PPP1R42: variants seen among roughly 807,000 people sequenced by gnomAD.
PPP1R42 encodes the protein protein phosphatase 1 regulatory subunit 42, also known as leucine rich repeat containing 67.
A neutral mutation model predicts 31.0 loss-of-function variants in PPP1R42; 34 were observed. The ratio of observed to expected loss-of-function variants is 1.10; its 90% confidence interval spans 0.83 to 1.46. The LOEUF (loss-of-function observed/expected upper bound fraction) is 1.46, where lower values mean the gene tolerates loss of function less well. Among genes scored for constraint, PPP1R42 ranks in the 40% most tolerant of loss-of-function variants. The pLI is 0.00. For missense variants in PPP1R42, 268 were observed against 303.0 expected (o/e 0.88, Z 0.86); for synonymous variants, 103 against 109.8 (o/e 0.94, Z 0.39).
intron 1 of PPP1R42, among the ~76,000 whole-genome samples, chr8:67,024,319 T>G (rs1267914022): frequency 6.6e-6 from 1 of 152,268 alleles, no homozygotes; most frequent in African/African-American, 2.4e-5. Context: ...GTTCTTTTTG[T>G]ATGTGTGTGT....
At chr8:67,002,147 C>T (rs927447554) in intron 5 of PPP1R42, among the ~76,000 whole-genome samples, 2 of 152,204 alleles carry the variant, frequency 1.3e-5, no homozygotes, top group Admixed American at 6.5e-5. Flanking sequence ...TCTTATCTTT[C>T]TATGTACATA....
chr8:66,992,525 C>T (rs532686953), intron 5 of PPP1R42, among the ~76,000 whole-genome samples: 2 of 152,330 alleles, frequency 1.3e-5, no homozygotes, highest in Non-Finnish European at 1.5e-5. Flanking sequence ...AGCACGTTTC[C>T]AGAGAGCGAG....
At chr8:67,025,444 T>C (rs1296844848) in intron 1 of PPP1R42, among the ~76,000 whole-genome samples, 1 of 152,106 alleles carries the variant, frequency 6.6e-6, no homozygotes, top group Non-Finnish European at 1.5e-5. Context: ...GGCTCTGTTT[T>C]CTAACTTTGG....
At chr8:66,985,039 G>A in intron 6 of PPP1R42, 6 of 1,466,372 alleles carry the variant, frequency 4.1e-6, no homozygotes, top group Non-Finnish European at 5.7e-6. Context: ...AAAGCCATTG[G>A]GGATTATGTA....
At chr8:66,968,478 T>C (rs1563411506) in intron 7 of PPP1R42, 1 of 985,084 alleles carries the variant, frequency 1.0e-6, no homozygotes, top group Non-Finnish European at 1.2e-6. Context: ...ATATTAAATA[T>C]AGAGTGTAGG....
At chr8:67,020,547 C>T (rs1816183449) in intron 1 of PPP1R42, among the ~76,000 whole-genome samples, 1 of 152,188 alleles carries the variant, frequency 6.6e-6, no homozygotes, top group Non-Finnish European at 1.5e-5. Context: ...ATTTTGGCTT[C>T]ATCACTTACT....
Position 67,027,852 on chromosome 8 carries a change from T to C in PPP1R42, c.-85+639A>G, listed in dbSNP as rs201652424. Reference sequence around the variant, plus strand: ...TTACTTTGGGACTCCTCTTACTAGATCTCTCTCTCCCAGGCCACCGGTGGG... The same window carrying C: ...TTACTTTGGGACTCCTCTTACTAGACCTCTCTCTCCCAGGCCACCGGTGGG... On this transcript the variant is annotated intron_variant, in intron 1 of 7. Coordinates refer to ENST00000685739, the MANE Select transcript of PPP1R42 (RefSeq NM_001364910.1). Among the ~76,000 whole-genome samples the C allele has an allele frequency of 2.6e-5, 4 of 152,140 alleles. No individual in the cohort carries two copies. In the East Asian group the frequency reaches 7.7e-4, roughly 29 times the overall value.
chr8:66,978,378 G>A (rs566819382), intron 7 of PPP1R42, among the ~76,000 whole-genome samples: 7 of 152,318 alleles, frequency 4.6e-5, no homozygotes, highest in African/African-American at 9.6e-5. Flanking sequence ...AATTATGGAA[G>A]CTACAATTCA....
chr8:66,985,849 GATC>G, intron 6 of PPP1R42: 1 of 1,199,482 alleles, frequency 8.3e-7, no homozygotes, highest in Non-Finnish European at 1.2e-6. Flanking sequence ...GAGGCCCAGG[GATC>G]ACCTCTGGCT....
intron 5 of PPP1R42, among the ~76,000 whole-genome samples, chr8:66,999,531 T>C (rs1815424120): frequency 6.6e-6 from 1 of 152,114 alleles, no homozygotes; most frequent in Non-Finnish European, 1.5e-5. Flanking sequence ...GTATTTTTTG[T>C]AGAGATGGGG....
chr8:66,975,512 G>T (rs1296283621), intron 7 of PPP1R42, among the ~76,000 whole-genome samples: 2 of 152,026 alleles, frequency 1.3e-5, no homozygotes, highest in African/African-American at 2.4e-5. Flanking sequence ...CAGGTGTGGT[G>T]GCACACGCCT....
At chr8:67,002,738 G>GTTTTTTTT (rs1815536467) in intron 5 of PPP1R42, among the ~76,000 whole-genome samples, 1 of 134,016 alleles carries the variant, frequency 7.5e-6, no homozygotes, top group African/African-American at 2.8e-5. Context: ...TTTTTTTTCA[G>GTTTTTTTT]TGTTTTTTTT....
intron 6 of PPP1R42, chr8:66,985,597 G>C: frequency 7.3e-7 from 1 of 1,372,142 alleles, no homozygotes; most frequent in South Asian, 1.2e-5. Context: ...TTGGATTCGA[G>C]CTTGTAGTTC....
chr8:67,007,010 T>C (rs2129536761), intron 5 of PPP1R42, among the ~76,000 whole-genome samples: 1 of 151,904 alleles, frequency 6.6e-6, no homozygotes, highest in African/African-American at 2.4e-5. Flanking sequence ...CCCAAAGTGC[T>C]GGGATCACAG....
At chr8:67,011,130 CAAAG>C (rs1815832324) in intron 4 of PPP1R42, among the ~76,000 whole-genome samples, 1 of 151,264 alleles carries the variant, frequency 6.6e-6, no homozygotes, top group African/African-American at 2.4e-5. Context: ...AATCAAAAAG[CAAAG>C]AAAGAAAAAA....
In PPP1R42 at chr8:67,012,186, A is replaced by T. The variant is rs181782177; in HGVS notation, c.435+772T>A. On this transcript the variant is annotated intron_variant, in intron 4 of 7. Coordinates refer to ENST00000685739, the MANE Select transcript of PPP1R42 (RefSeq NM_001364910.1). ...GGGAGGTGGAGGTTGCAGTGAGCAGAGGTCGTGCCACTGCACTCCAGCTTG... is the reference window on the plus strand; with the variant it reads ...GGGAGGTGGAGGTTGCAGTGAGCAGTGGTCGTGCCACTGCACTCCAGCTTG... Among the ~76,000 whole-genome samples the T allele has an allele frequency of 2.0e-3, 303 of 152,324 alleles. 4 individuals are homozygous for T. Among genetic ancestry groups the T allele is most frequent in the Non-Finnish European group, 2.7e-3 (182 of 68,028 alleles).
At chr8:66,983,020 C>T (rs1464555311) in intron 6 of PPP1R42, among the ~76,000 whole-genome samples, 3 of 151,476 alleles carry the variant, frequency 2.0e-5, no homozygotes, top group Non-Finnish European at 4.4e-5. Flanking sequence ...TGGCCTCAAA[C>T]GATCCTCGGC....
intron 1 of PPP1R42, among the ~76,000 whole-genome samples, chr8:67,019,006 T>A (rs917062910): frequency 4.6e-5 from 7 of 150,734 alleles, no homozygotes; most frequent in African/African-American, 1.7e-4. Flanking sequence ...ATTTTTTTTT[T>A]TTTAATTTTA....
At chr8:66,987,566 A>G (rs919472779) in intron 6 of PPP1R42, among the ~76,000 whole-genome samples, 3 of 152,182 alleles carry the variant, frequency 2.0e-5, no homozygotes, top group African/African-American at 4.8e-5. Flanking sequence ...TGCTGGGAAC[A>G]CAGGCGTGAG....
Sources: allele counts gnomAD v4.1 joint callset (sites outside exome capture counted in the v4.1 genomes callset), GRCh38; gene constraint gnomAD v4.1.1; transcripts MANE v1.5; gene names NCBI Gene and HGNC (gene_info 2026-07-23, HGNC 2026-07-21).